The following ZPBP variants were observed in gnomAD, a reference collection of about 807,000 sequenced individuals.
ZPBP encodes zona pellucida binding protein, also known as zona pellucida-binding protein 1.
ZPBP carries 26 observed loss-of-function variants against 44.8 expected under a neutral mutation model. The ratio of observed to expected loss-of-function variants is 0.58; its 90% CI spans 0.43 to 0.81. The LOEUF is 0.81. Among genes scored for constraint, ZPBP ranks in the 30% least tolerant of loss-of-function variants. The pLI is 0.00. For synonymous variants in ZPBP, 174 were observed against 153.2 expected (o/e 1.14, Z -1.00); for missense variants, 409 against 434.0 (o/e 0.94, Z 0.51).
intron 1 of ZPBP, among the ~76,000 whole-genome samples, chr7:49,906,149 C>T (rs900745331): frequency 6.6e-6 from 1 of 152,146 alleles, no homozygotes; most frequent in Non-Finnish European, 1.5e-5. Flanking sequence ...TCTTAATAAA[C>T]TTGCTTTCAC....
At chr7:49,960,190 T>C (rs1795800249) in intron 7 of ZPBP, among the ~76,000 whole-genome samples, 1 of 151,904 alleles carries the variant, frequency 6.6e-6, no homozygotes, top group Non-Finnish European at 1.5e-5. Flanking sequence ...GAGGCTGAGG[T>C]GGGTGGGTCA....
chr7:50,011,554 C>A (rs1370958130), intron 6 of ZPBP, among the ~76,000 whole-genome samples: 1 of 152,082 alleles, frequency 6.6e-6, no homozygotes, highest in African/African-American at 2.4e-5. Context: ...AACATTACAC[C>A]CAACATCTAC....
In ZPBP at chr7:49,874,775, G is replaced by A. The variant is rs1791326709; in HGVS notation, n.510-24261C>T. Among the ~76,000 whole-genome samples the A allele has an allele frequency of 2.0e-5, 3 of 152,182 alleles. No homozygotes were observed. In the South Asian group the frequency reaches 6.2e-4, roughly 32 times the overall value. ...GCTATAGGACTGTGAGGTGATGAGAGACCAGGAGCCTCACGTCTCACTTGT... is the reference window on the plus strand; with the variant it reads ...GCTATAGGACTGTGAGGTGATGAGAAACCAGGAGCCTCACGTCTCACTTGT... On this transcript the variant is annotated intron_variant and non_coding_transcript_variant, in intron 2 of 2. Coordinates refer to the ZPBP transcript ENST00000465922.
chr7:49,981,089 T>A (rs1051251605), intron 7 of ZPBP, among the ~76,000 whole-genome samples: 1 of 148,000 alleles, frequency 6.8e-6, no homozygotes. Context: ...AAGAAATAAC[T>A]GCCAACTGTT....
chr7:49,935,936 G>C (rs993145146), downstream of ZPBP: 5 of 152,110 alleles, frequency 3.3e-5, no homozygotes, highest in African/African-American at 1.2e-4. Flanking sequence ...TGCTTTCCCA[G>C]GCTGTTGATG....
At chr7:50,077,855 C>T (rs1258954892) in intron 3 of ZPBP, among the ~76,000 whole-genome samples, 7 of 151,794 alleles carry the variant, frequency 4.6e-5, no homozygotes, top group Admixed American at 1.3e-4. Context: ...AAACTAAAAA[C>T]AGAGCTAACA....
At chr7:49,887,870 C>T (rs1791967309) in intron 2 of ZPBP, among the ~76,000 whole-genome samples, 1 of 152,246 alleles carries the variant, frequency 6.6e-6, no homozygotes, top group Non-Finnish European at 1.5e-5. Flanking sequence ...CACTTAACCA[C>T]CAGACTAGCT....
intron 2 of ZPBP, among the ~76,000 whole-genome samples, chr7:49,885,751 T>C (rs977934680): frequency 6.6e-6 from 1 of 152,226 alleles, no homozygotes; most frequent in Non-Finnish European, 1.5e-5. Flanking sequence ...TTAGATGCGG[T>C]TAAAGTATTG....
chr7:50,087,192 T>C (rs746599204), intron 2 of ZPBP, among the ~76,000 whole-genome samples: 2 of 152,014 alleles, frequency 1.3e-5, no homozygotes, highest in Non-Finnish European at 2.9e-5. Flanking sequence ...TACCAACTTG[T>C]TCTATGAAGC....
At chr7:49,922,120 AT>A (rs1794044428) in intron 1 of ZPBP, among the ~76,000 whole-genome samples, 1 of 152,148 alleles carries the variant, frequency 6.6e-6, no homozygotes, top group Admixed American at 6.5e-5. Context: ...TCACTCAAAT[AT>A]GTAACTTTTA....
chr7:49,929,138 T>C (rs1794360654), intron 1 of ZPBP, among the ~76,000 whole-genome samples: 1 of 152,136 alleles, frequency 6.6e-6, no homozygotes, highest in Admixed American at 6.6e-5. Context: ...CCAATGGAAA[T>C]AAATGTTGAC....
rs556529244 is a variant in ZPBP at position 49,974,505 on chromosome 7, A to G, written c.961+8837T>C. ...GGTGAAATTTTGGATAACGAACAAC[A>G]TAATAATGATGGCAATGAAAAATAA... On this transcript the variant is annotated intron_variant, in intron 7 of 7. Coordinates refer to ENST00000046087, the MANE Select transcript of ZPBP (RefSeq NM_007009.3). 3.3e-5 allele frequency among the ~76,000 whole-genome samples: 5 copies of G among 152,202 alleles called. No homozygotes were observed. The South Asian group carries it at 1.0e-3, about 31-fold the overall frequency.
chr7:49,999,116 A>G lies in ZPBP; in HGVS notation c.784-15597T>C, dbSNP rs1380865884. ...AAAACCCAAAACACTTCTGGTCCCA[A>G]GCATTTTGGGTAAGGGATACTCAAC... is the stretch of plus-strand genomic sequence containing the variant. On this transcript the variant is annotated intron_variant, in intron 6 of 7. Transcript: ENST00000046087. Among the ~76,000 whole-genome samples, 3 of 152,086 alleles carry G rather than the reference A, an allele frequency of 2.0e-5. No homozygotes were observed. The East Asian group carries it at 5.8e-4, about 29-fold the overall frequency.
At chr7:49,857,002 A>G (rs1363488710) in intron 2 of ZPBP, among the ~76,000 whole-genome samples, 1 of 107,570 alleles carries the variant, frequency 9.3e-6, no homozygotes. Flanking sequence ...AGAGCCAGAT[A>G]CTGTCTCAAA....
chr7:49,857,398 G>A (rs776587414), intron 2 of ZPBP, among the ~76,000 whole-genome samples: 7 of 152,152 alleles, frequency 4.6e-5, no homozygotes, highest in Non-Finnish European at 1.0e-4. Context: ...TCCAATGTAG[G>A]CATATAGCAC....
intron 4 of ZPBP, among the ~76,000 whole-genome samples, chr7:50,050,258 A>C (rs1800622195): frequency 6.6e-6 from 1 of 152,042 alleles, no homozygotes; most frequent in African/African-American, 2.4e-5. Flanking sequence ...ATATTCAAAA[A>C]TTTATATGGA....
chr7:50,049,671 T>C (rs1394689068), intron 4 of ZPBP, among the ~76,000 whole-genome samples: 1 of 152,024 alleles, frequency 6.6e-6, no homozygotes, highest in Non-Finnish European at 1.5e-5. Flanking sequence ...TTCCATCTGA[T>C]AATGGGCACC....
chr7:49,886,480 C>G (rs984215626), intron 2 of ZPBP, among the ~76,000 whole-genome samples: 1 of 152,078 alleles, frequency 6.6e-6, no homozygotes, highest in Admixed American at 6.5e-5. Flanking sequence ...TTGGTATGCT[C>G]TTTTCCATTT....
intron 2 of ZPBP, among the ~76,000 whole-genome samples, chr7:49,894,008 T>C (rs1792257455): frequency 6.6e-6 from 1 of 152,202 alleles, no homozygotes; most frequent in African/African-American, 2.4e-5. Context: ...GGCTGTGTCA[T>C]TCTGGTGTGA....
Sources: allele counts gnomAD v4.1 joint callset (sites outside exome capture counted in the v4.1 genomes callset), GRCh38; gene constraint gnomAD v4.1.1; transcripts MANE v1.5; gene names NCBI Gene and HGNC (gene_info 2026-07-23, HGNC 2026-07-21).